The following RBFOX1 variants were observed in gnomAD, a reference collection of about 807,000 sequenced individuals.
RBFOX1 encodes RNA binding protein fox-1 homolog 1.
In RBFOX1, 8 loss-of-function variants were observed where a neutral mutation model predicts 57.7. That is an observed-to-expected ratio of 0.14 (90% CI 0.08 to 0.25). RBFOX1 has a LOEUF of 0.25. RBFOX1 is among the 10% of genes least tolerant of loss of function. The pLI, the probability that RBFOX1 is intolerant of heterozygous loss-of-function variation, is 1.00. For missense variants in RBFOX1, 611 were observed against 548.5 expected (o/e 1.11, Z -1.14); for synonymous variants, 326 against 222.4 (o/e 1.47, Z -4.15).
intron 1 of RBFOX1, among the ~76,000 whole-genome samples, chr16:5,368,435 C>T (rs2065779184): frequency 1.3e-5 from 2 of 152,078 alleles, no homozygotes; most frequent in African/African-American, 4.8e-5. Flanking sequence ...CCTTGTTTTT[C>T]TTCAGTAAAG....
intron 4 of RBFOX1, among the ~76,000 whole-genome samples, chr16:7,503,411 T>C (rs1385510944): frequency 6.6e-6 from 1 of 152,246 alleles, no homozygotes; most frequent in Non-Finnish European, 1.5e-5. Flanking sequence ...TGGACAGCTA[T>C]GATGGAATAA....
rs2049448389 is a variant in RBFOX1, at chr16:7,050,025, A to C, written c.-15-2032A>C. 4.6e-5 allele frequency among the ~76,000 whole-genome samples: 7 copies of C among 152,256 alleles called. No homozygotes were observed. In the South Asian group the frequency reaches 1.5e-3, roughly 32 times the overall value. ...GTCACTCCTCCTTTTCCATTAACCC[A>C]GTCCTCTGGCAACATTTAATTTGTT... is the stretch of plus-strand genomic sequence containing the variant. On this transcript the variant is annotated intron_variant, in intron 3 of 15. Coordinates refer to ENST00000550418, the MANE Select transcript of RBFOX1 (RefSeq NM_018723.4).
chr16:6,691,642 C>G (rs1603428482), intron 3 of RBFOX1, among the ~76,000 whole-genome samples: 1 of 152,286 alleles, frequency 6.6e-6, no homozygotes, highest in Non-Finnish European at 1.5e-5. Flanking sequence ...CCTTGGCTTA[C>G]AAACGTAAAA....
At chr16:7,530,197 G>C (rs1273918140) in intron 5 of RBFOX1, among the ~76,000 whole-genome samples, 3 of 152,102 alleles carry the variant, frequency 2.0e-5, no homozygotes, top group Admixed American at 6.6e-5. Flanking sequence ...GAGACAGAAA[G>C]TGACCTGCCT....
rs147479920 is a variant in RBFOX1 at position 7,177,138 on chromosome 16, A to G, written c.27+125040A>G. 3.4e-3 allele frequency among the ~76,000 whole-genome samples: 518 copies of G among 152,288 alleles called. 5 individuals carry two copies. The highest frequency in any genetic ancestry group is 0.012 in the African/African-American group (495 of 41,552). On this transcript the variant is annotated intron_variant, in intron 4 of 15. Transcript: ENST00000550418. ...TGTAGAACTGTGCAAAGAACACGACACTTTGCTGACTGGCATGCATTTTTG... is the reference window on the plus strand; with the variant it reads ...TGTAGAACTGTGCAAAGAACACGACGCTTTGCTGACTGGCATGCATTTTTG...
chr16:7,149,817 A>G (rs1221097890), intron 4 of RBFOX1, among the ~76,000 whole-genome samples: 2 of 151,950 alleles, frequency 1.3e-5, no homozygotes, highest in Admixed American at 6.6e-5. Flanking sequence ...ATTGCTTCCT[A>G]CTGAAGACTC....
intron 2 of RBFOX1, among the ~76,000 whole-genome samples, chr16:6,425,045 T>C (rs2093885401): frequency 6.6e-6 from 1 of 152,226 alleles, no homozygotes; most frequent in African/African-American, 2.4e-5. Context: ...TTTCACTATG[T>C]GTTGTTTAAT....
chr16:6,334,969 G>T (rs745966087), intron 2 of RBFOX1, among the ~76,000 whole-genome samples: 16 of 152,320 alleles, frequency 1.1e-4, no homozygotes, highest in Non-Finnish European at 1.9e-4. Context: ...AAGCAAGAGA[G>T]AACAGTGTCA....
intron 1 of RBFOX1, among the ~76,000 whole-genome samples, chr16:6,043,921 G>A (rs1228815595): frequency 6.6e-6 from 1 of 151,998 alleles, no homozygotes; most frequent in Non-Finnish European, 1.5e-5. Flanking sequence ...TTTCCTTCTG[G>A]GACCCTCTAA....
intron 11 of RBFOX1, among the ~76,000 whole-genome samples, chr16:7,640,734 A>G (rs574066151): frequency 6.6e-5 from 10 of 152,286 alleles, no homozygotes; most frequent in African/African-American, 2.4e-4. Flanking sequence ...AAGAGGATCA[A>G]CTGGCTAGTG....
intron 11 of RBFOX1, among the ~76,000 whole-genome samples, chr16:7,648,639 T>A (rs1024086995): frequency 1.3e-5 from 2 of 152,178 alleles, no homozygotes; most frequent in Non-Finnish European, 2.9e-5. Context: ...CATAATTATT[T>A]TATTCAGGGA....
chr16:7,571,632 C>T (rs1001971920), intron 5 of RBFOX1, among the ~76,000 whole-genome samples: 1 of 152,084 alleles, frequency 6.6e-6, no homozygotes, highest in Admixed American at 6.6e-5. Context: ...CGCACAGATC[C>T]CGCCTCCTAA....
At chr16:5,477,854 T>C (rs1348338722) in intron 2 of RBFOX1, among the ~76,000 whole-genome samples, 1 of 152,180 alleles carries the variant, frequency 6.6e-6, no homozygotes, top group Non-Finnish European at 1.5e-5. Flanking sequence ...CTATTGTTCT[T>C]CCCTGGCCAG....
At chr16:7,578,438 C>T (rs111239293) in intron 5 of RBFOX1, among the ~76,000 whole-genome samples, 4 of 152,128 alleles carry the variant, frequency 2.6e-5, no homozygotes, top group African/African-American at 7.2e-5. Flanking sequence ...TTTCAAAATG[C>T]GATTCAGGGT....
rs376160385 is a variant in RBFOX1 at position 7,163,194 on chromosome 16, G to C, written c.27+111096G>C. On this transcript the variant is annotated intron_variant, in intron 4 of 15. Transcript: ENST00000550418. ...GCCAACTGAGATTTGAAAAGGTTTT[G>C]ACTTGCCTGAGTTAAAGCAGGGGGA... Among the ~76,000 whole-genome samples the C allele has an allele frequency of 1.8e-3, 273 of 151,982 alleles. 1 individual carries two copies. Among genetic ancestry groups the C allele is most frequent in the African/African-American group, 6.3e-3 (259 of 41,422 alleles).
At chr16:7,194,496 G>A (rs1048165840) in intron 4 of RBFOX1, among the ~76,000 whole-genome samples, 2 of 151,926 alleles carry the variant, frequency 1.3e-5, no homozygotes, top group African/African-American at 4.8e-5. Context: ...TAGCTCTTTG[G>A]GGCTAAAGAT....
chr16:6,908,319 G>T (rs982263046), intron 3 of RBFOX1, among the ~76,000 whole-genome samples: 3 of 151,318 alleles, frequency 2.0e-5, no homozygotes, highest in African/African-American at 7.3e-5. Context: ...CCATGGCTTG[G>T]GCCTGTCTTG....
At chr16:5,859,973 A>G (rs1333874538) in intron 3 of RBFOX1, among the ~76,000 whole-genome samples, 1 of 152,178 alleles carries the variant, frequency 6.6e-6, no homozygotes, top group African/African-American at 2.4e-5. Flanking sequence ...ACTGATCCCA[A>G]AGCACCTAGA....
intron 1 of RBFOX1, among the ~76,000 whole-genome samples, chr16:6,296,095 C>T (rs1004546360): frequency 1.6e-4 from 25 of 152,214 alleles, no homozygotes; most frequent in African/African-American, 5.5e-4. Context: ...TTGTTCTTCT[C>T]ACAGACATTT....
Sources: gnomAD v4.1 joint callset for allele counts (sites outside exome capture counted in the v4.1 genomes callset) on GRCh38, gnomAD v4.1.1 for gene constraint, MANE v1.5 for transcripts, NCBI Gene and HGNC (gene_info 2026-07-23, HGNC 2026-07-21) for gene names.